Variants in GALNT18 observed in about 807,000 individuals in gnomAD.
The protein encoded by GALNT18 is polypeptide N-acetylgalactosaminyltransferase 18, also known as GalNAc-transferase 18.
GALNT18 carries 44 observed loss-of-function variants against 69.5 expected under a neutral mutation model. The observed-to-expected ratio is 0.63, with a 90% confidence interval of 0.50 to 0.81. The LOEUF is 0.81. Among genes scored for constraint, GALNT18 ranks in the 40% least tolerant of loss-of-function variants. GALNT18 has a pLI of 0.00. For synonymous variants in GALNT18, 364 were observed against 318.2 expected (o/e 1.14, Z -1.53); for missense variants, 715 against 810.0 (o/e 0.88, Z 1.42).
rs1856957563 is a variant in GALNT18, at chr11:11,500,749, T to C, written c.236-51813A>G. Among the ~76,000 whole-genome samples the C allele has an allele frequency of 6.6e-6, 1 of 152,214 alleles. No homozygotes were observed. Among genetic ancestry groups the C allele is most frequent in the Non-Finnish European group, 1.5e-5 (1 of 68,030 alleles). ...TTACTTCTCTTTATGGATAGTGAAT[T>C]GCCTCAGGTAAGGAGTCAAGGATCT... is the stretch of plus-strand genomic sequence containing the variant. On this transcript the variant is annotated intron_variant, in intron 1 of 10. Transcript: ENST00000227756. This position sits in a 1 kb window ranked among gnomAD's most constrained non-coding sequence, Gnocchi z 5.0.
At chr11:11,484,068 G>A (rs1268896027) in intron 1 of GALNT18, among the ~76,000 whole-genome samples, 2 of 152,150 alleles carry the variant, frequency 1.3e-5, no homozygotes, top group African/African-American at 2.4e-5. Context: ...CATTCACCTT[G>A]TCAAGAGCTC....
chr11:11,456,844 T>G (rs539835194), intron 1 of GALNT18, among the ~76,000 whole-genome samples: 1 of 152,318 alleles, frequency 6.6e-6, no homozygotes, highest in Admixed American at 6.5e-5. Flanking sequence ...AATGCCATAA[T>G]GTGGTCTCAG....
Position 11,454,837 on chromosome 11 carries a change from T to A in GALNT18, c.236-5901A>T, listed in dbSNP as rs992973976. Among the ~76,000 whole-genome samples, 2 of 152,052 alleles carry A rather than the reference T, an allele frequency of 1.3e-5. No individual in the cohort carries two copies. The highest frequency in any genetic ancestry group is 1.3e-4 in the Admixed American group (2 of 15,262). On this transcript the variant is annotated intron_variant, in intron 1 of 10. Coordinates refer to ENST00000227756, the MANE Select transcript of GALNT18 (RefSeq NM_198516.3). The surrounding 1 kb of genome is among the most constrained non-coding windows in gnomAD (Gnocchi z 4.2). ...GTCTCCAAGGTGCTCATTACAGAAA[T>A]CCTCACCATCAAGCCCTGAGGGGAG... is the stretch of plus-strand genomic sequence containing the variant.
At chr11:11,502,895 A>G (rs1333274667) in intron 1 of GALNT18, among the ~76,000 whole-genome samples, 2 of 152,156 alleles carry the variant, frequency 1.3e-5, no homozygotes, top group African/African-American at 4.8e-5. Flanking sequence ...AAGACACAAA[A>G]TAGTTGAAAA....
At chr11:11,597,310 G>T (rs909889288) in intron 1 of GALNT18, among the ~76,000 whole-genome samples, 30 of 152,204 alleles carry the variant, frequency 2.0e-4, no homozygotes, top group African/African-American at 6.8e-4. Context: ...TTCATAAAAT[G>T]AGTTGACAAG....
At chr11:11,361,733 C>T (rs1210688795) in intron 6 of GALNT18, among the ~76,000 whole-genome samples, 1 of 152,128 alleles carries the variant, frequency 6.6e-6, no homozygotes, top group African/African-American at 2.4e-5. Context: ...TCAAAGCCTG[C>T]TCTTTCAGCA....
At chr11:11,594,992 T>C (rs1304473700) in intron 1 of GALNT18, among the ~76,000 whole-genome samples, 1 of 150,138 alleles carries the variant, frequency 6.7e-6, no homozygotes, top group Non-Finnish European at 1.5e-5. Flanking sequence ...TGTGTGTGTG[T>C]GTGTGTGTAT....
intron 3 of GALNT18, among the ~76,000 whole-genome samples, chr11:11,407,177 G>A (rs11021833): frequency 0.21 from 31,448 of 152,186 alleles, 3,979 homozygotes; most frequent in Non-Finnish European, 0.28. Flanking sequence ...ATGTGTTCAG[G>A]CCAAGGCCGT....
chr11:11,291,726 T>G (rs116335650), intron 10 of GALNT18, among the ~76,000 whole-genome samples: 32 of 152,316 alleles, frequency 2.1e-4, no homozygotes, highest in African/African-American at 7.7e-4. Context: ...TCTGCTTTCC[T>G]GTGTTCACAA....
In GALNT18 at chr11:11,382,108, A is replaced by G. The variant is rs576125458; in HGVS notation, c.596-2844T>C. Among the ~76,000 whole-genome samples, 10 of 152,314 alleles carry G rather than the reference A, an allele frequency of 6.6e-5. No individual in the cohort carries two copies. The South Asian group carries it at 8.3e-4, about 13-fold the overall frequency. On this transcript the variant is annotated intron_variant, in intron 3 of 10. Coordinates refer to ENST00000227756, the MANE Select transcript of GALNT18 (RefSeq NM_198516.3). This position sits in a 1 kb window ranked among gnomAD's most constrained non-coding sequence, Gnocchi z 4.3. ...CTGCGAGCTCTGTTAACACTGAGCT[A>G]GAGTAAAGGCTTCTGGTGGACCAGA...
At chr11:11,417,340 A>T (rs1198185914) in intron 3 of GALNT18, among the ~76,000 whole-genome samples, 1 of 152,212 alleles carries the variant, frequency 6.6e-6, no homozygotes, top group African/African-American at 2.4e-5. Context: ...AGAAGTGAAG[A>T]ACAAGTAATT....
At chr11:11,518,563 A>G (rs1857330785) in intron 1 of GALNT18, among the ~76,000 whole-genome samples, 1 of 152,230 alleles carries the variant, frequency 6.6e-6, no homozygotes. Flanking sequence ...AGTGCAGGGC[A>G]TGCCAGATCC....
At chr11:11,367,413 G>A (rs1850796837) in intron 6 of GALNT18, among the ~76,000 whole-genome samples, 2 of 152,204 alleles carry the variant, frequency 1.3e-5, no homozygotes, top group African/African-American at 4.8e-5. Flanking sequence ...ATTCAGAGAA[G>A]GAGTCAGTGA....
chr11:11,570,486 T>C (rs1281853298), intron 1 of GALNT18, among the ~76,000 whole-genome samples: 2 of 152,272 alleles, frequency 1.3e-5, no homozygotes, highest in Non-Finnish European at 2.9e-5. Flanking sequence ...CCTAGGTTTC[T>C]TGAACACACC....
At chr11:11,475,023 C>T (rs1233356634) in intron 1 of GALNT18, among the ~76,000 whole-genome samples, 4 of 152,188 alleles carry the variant, frequency 2.6e-5, no homozygotes, top group Admixed American at 2.6e-4. Context: ...GGCCTCCTGC[C>T]TAGCACAGGG....
intron 6 of GALNT18, among the ~76,000 whole-genome samples, chr11:11,359,978 G>A (rs1048981492): frequency 1.3e-5 from 2 of 152,076 alleles, no homozygotes; most frequent in Admixed American, 6.5e-5. Flanking sequence ...ATACACACAA[G>A]TGATTGCCAA....
intron 5 of GALNT18, among the ~76,000 whole-genome samples, chr11:11,375,237 C>A (rs1853717872): frequency 6.6e-6 from 1 of 152,204 alleles, no homozygotes; most frequent in Non-Finnish European, 1.5e-5. Flanking sequence ...GTGGAGCTGT[C>A]TTCATCTGGG....
At chr11:11,278,937 C>A (rs1216393743) in intron 10 of GALNT18, among the ~76,000 whole-genome samples, 3 of 152,168 alleles carry the variant, frequency 2.0e-5, no homozygotes, top group Non-Finnish European at 4.4e-5. Flanking sequence ...ACATTATATG[C>A]CTGTATGACA....
chr11:11,341,118 TC>T lies in GALNT18; in HGVS notation c.1093-115del. 1 of 900,614 alleles carries T rather than the reference TC, an allele frequency of 1.1e-6. No homozygotes were observed. The highest frequency in any genetic ancestry group is 1.7e-6 in the Non-Finnish European group (1 of 594,140). 55.8% of individuals were successfully genotyped at this position (900,614 alleles called of 1,614,324 possible). A position where few individuals can be genotyped will look rare whatever the true frequency, so the allele number is the denominator to read the frequency against. On this transcript the variant is annotated intron_variant, in intron 6 of 10. Coordinates refer to ENST00000227756, the MANE Select transcript of GALNT18 (RefSeq NM_198516.3). The surrounding 1 kb of genome is among the most constrained non-coding windows in gnomAD (Gnocchi z 6.3). The stretch of plus-strand genomic sequence containing the variant: ...AGAAAGTCAGCCCCTTCACCTTGAC[TC>T]CCCAGATCACTCTCTGTGAAGGAGT...
Sources: gnomAD v4.1 joint callset for allele counts (sites outside exome capture counted in the v4.1 genomes callset) on GRCh38, gnomAD v4.1.1 for gene constraint, Gnocchi (gnomAD v3.1) non-coding constraint, MANE v1.5 for transcripts, NCBI Gene and HGNC (gene_info 2026-07-23, HGNC 2026-07-21) for gene names.